The following GRK4 variants were observed in gnomAD, a reference collection of about 807,000 sequenced individuals.
GRK4 encodes the protein G protein-coupled receptor kinase 2-like.
Under a neutral mutation model 77.9 loss-of-function variants are expected in GRK4, and 73 were observed. The ratio of observed to expected loss-of-function variants is 0.94; its 90% CI spans 0.78 to 1.14. The LOEUF (loss-of-function observed/expected upper bound fraction) is 1.14, where lower values mean the gene tolerates loss of function less well. Among genes scored for constraint, GRK4 ranks in the 50% most tolerant of loss-of-function variants. The probability of loss-of-function intolerance (pLI) is 0.00; values close to 1 mark genes in which losing one functional copy is unlikely to be tolerated. For missense variants in GRK4, 729 were observed against 700.2 expected (o/e 1.04, Z -0.46); for synonymous variants, 257 against 254.4 (o/e 1.01, Z -0.10).
intron 3 of GRK4, among the ~76,000 whole-genome samples, chr4:2,990,246 C>CTTTTTTTTTTTTTT (rs71644371): frequency 5.7e-5 from 4 of 70,754 alleles, no homozygotes; most frequent in Non-Finnish European, 7.8e-5. Context: ...TCTTCTTCTT[C>CTTTTTTTTTTTTTT]TTTTTTTTTT....
rs1361248902 is a variant in GRK4, at chr4:3,038,447, C to A, written c.1617C>A (p.Asp539Glu). The A allele has an allele frequency of 3.1e-6, 5 of 1,613,862 alleles. No individual in the cohort carries two copies. Among genetic ancestry groups the A allele is most frequent in the Non-Finnish European group, 4.2e-6 (5 of 1,179,972 alleles). Residue 539 changes from aspartate to glutamate, a missense_variant, in exon 15 of 16, where the codon GAC becomes GAA. Asp to Glu is a conservative substitution (Grantham distance 45). Transcript: ENST00000398052. ...AGGAAGCTTTGCCATTAGATCTAGA[C>A]AAGAACATACATACCCCGGTTTCCA... The part of the protein sequence containing the change: ...ESEEALPLDL[D>E]KNIHTPVSRP...
rs1735495113 is a variant in GRK4 at position 3,019,540 on chromosome 4, G to A, written c.742-101G>A. The A allele has an allele frequency of 3.0e-6, 3 of 1,007,988 alleles. No individual in the cohort carries two copies. The East Asian group carries it at 7.2e-5, about 24-fold the overall frequency. 62.4% of individuals were successfully genotyped at this position (1,007,988 alleles called of 1,614,324 possible). On this transcript the variant is annotated intron_variant, in intron 8 of 15. Transcript: ENST00000398052. ...CATATAGTATTCACATGTTCTGATT[G>A]TAAACCTAACACAGATTATTTGCAT...
intron 10 of GRK4, among the ~76,000 whole-genome samples, chr4:3,026,934 C>T (rs1737748236): frequency 6.6e-6 from 1 of 152,202 alleles, no homozygotes; most frequent in Non-Finnish European, 1.5e-5. Context: ...CTACTGTAGG[C>T]CAGGGTATGA....
chr4:3,026,660 A>G (rs1737661658), intron 10 of GRK4, among the ~76,000 whole-genome samples: 1 of 152,248 alleles, frequency 6.6e-6, no homozygotes, highest in African/African-American at 2.4e-5. Context: ...TGGCAGAGCC[A>G]GGACTCAGAC....
At chr4:2,991,209 G>A (rs1465763983) in intron 3 of GRK4, among the ~76,000 whole-genome samples, 1 of 152,206 alleles carries the variant, frequency 6.6e-6, no homozygotes, top group Non-Finnish European at 1.5e-5. Flanking sequence ...GGCTGAAGCT[G>A]CCGTCCTCAG....
intron 4 of GRK4, among the ~76,000 whole-genome samples, chr4:2,995,467 G>A (rs7678019): frequency 0.4 from 58,128 of 146,302 alleles, 12,414 homozygotes; most frequent in African/African-American, 0.55. Flanking sequence ...TTAGGAGTTC[G>A]AGACCAGCCT....
intron 2 of GRK4, among the ~76,000 whole-genome samples, chr4:2,986,354 C>CTTTT (rs36001597): frequency 2.0e-4 from 15 of 73,248 alleles, no homozygotes; most frequent in African/African-American, 2.8e-4. Flanking sequence ...AAGGTGTTAT[C>CTTTT]TTTTTTTTTT....
intron 8 of GRK4, among the ~76,000 whole-genome samples, chr4:3,014,957 T>C (rs1240021163): frequency 6.6e-6 from 1 of 152,170 alleles, no homozygotes; most frequent in African/African-American, 2.4e-5. Context: ...CCTTCTCATG[T>C]GGGCCTCCTC....
At chr4:2,966,522 TG>T (rs1648283301) in intron 1 of GRK4, 1 of 152,226 alleles carries the variant, frequency 6.6e-6, no homozygotes, top group African/African-American at 2.4e-5. Context: ...TTTGCTCCTG[TG>T]GTCAGAAAGC....
chr4:3,026,787 G>A (rs539622190), intron 10 of GRK4, among the ~76,000 whole-genome samples: 1 of 152,210 alleles, frequency 6.6e-6, no homozygotes, highest in Non-Finnish European at 1.5e-5. Flanking sequence ...GTCAGAGGCC[G>A]GCTTTCCTCT....
intron 10 of GRK4, 88 bp downstream of exon 10, chr4:3,022,539 T>G: frequency 8.8e-7 from 1 of 1,141,288 alleles, no homozygotes; most frequent in Non-Finnish European, 1.3e-6. Context: ...GTGGACTTAA[T>G]GATTAGGAGA....
intron 1 of GRK4, among the ~76,000 whole-genome samples, chr4:2,979,403 CAAAAA>C (rs144374548): frequency 5.1e-5 from 3 of 59,194 alleles, no homozygotes; most frequent in African/African-American, 2.1e-4. Flanking sequence ...GACTCTGTCT[CAAAAA>C]AAAAAAAAAA....
chr4:2,978,019 G>C (rs765944565), intron 1 of GRK4, among the ~76,000 whole-genome samples: 15 of 152,086 alleles, frequency 9.9e-5, no homozygotes, highest in Non-Finnish European at 1.9e-4. Context: ...TTTTTCTTTT[G>C]TAACATGAGC....
intron 15 of GRK4, among the ~76,000 whole-genome samples, chr4:3,039,418 C>T (rs1215355131): frequency 6.6e-6 from 1 of 152,006 alleles, no homozygotes; most frequent in African/African-American, 2.4e-5. Context: ...GAAAAATAGG[C>T]TAGGCGTGGT....
intron 10 of GRK4, among the ~76,000 whole-genome samples, chr4:3,027,213 T>A (rs924192089): frequency 3.3e-5 from 5 of 152,164 alleles, no homozygotes; most frequent in Non-Finnish European, 5.9e-5. Flanking sequence ...CTAATTTTTT[T>A]AAAAATCTTT....
intron 10 of GRK4, among the ~76,000 whole-genome samples, chr4:3,024,790 A>G (rs1002115945): frequency 5.3e-5 from 8 of 152,046 alleles, no homozygotes; most frequent in Non-Finnish European, 1.0e-4. Context: ...CCCGGGCGGC[A>G]GAGGTTGCAG....
intron 14 of GRK4, 53 bp from the exon 15 acceptor site, chr4:3,038,323 C>T (rs1741411437): frequency 6.2e-7 from 1 of 1,606,658 alleles, no homozygotes; most frequent in Admixed American, 1.7e-5. Flanking sequence ...GAGACACCCA[C>T]TGACCTGGCA....
intron 10 of GRK4, among the ~76,000 whole-genome samples, chr4:3,024,113 T>C (rs1458671256): frequency 6.6e-6 from 1 of 152,172 alleles, no homozygotes; most frequent in Non-Finnish European, 1.5e-5. Flanking sequence ...GCAAGACCCC[T>C]GCTCTGCCCA....
chr4:2,971,667 C>G (rs1421448092), intron 1 of GRK4, among the ~76,000 whole-genome samples: 1 of 152,238 alleles, frequency 6.6e-6, no homozygotes, highest in African/African-American at 2.4e-5. Flanking sequence ...TCTCCCGCAA[C>G]AGACATTTAT....
Sources: allele counts gnomAD v4.1 joint callset (sites outside exome capture counted in the v4.1 genomes callset), GRCh38; gene constraint gnomAD v4.1.1; transcripts MANE v1.5; gene names NCBI Gene and HGNC (gene_info 2026-07-23, HGNC 2026-07-21).